PLEKHA8: variants seen among roughly 807,000 people sequenced by gnomAD.
The protein encoded by PLEKHA8 is pleckstrin homology domain containing A8.
Under a neutral mutation model 68.2 loss-of-function variants are expected in PLEKHA8, and 36 were observed. The observed-to-expected ratio is 0.53, with a 90% CI of 0.40 to 0.70. The LOEUF (loss-of-function observed/expected upper bound fraction) is 0.70. PLEKHA8 is among the 30% of genes least tolerant of loss of function. PLEKHA8 has a pLI of 0.00. For synonymous variants in PLEKHA8, 211 were observed against 216.1 expected (o/e 0.98, Z 0.20); for missense variants, 505 against 615.4 (o/e 0.82, Z 1.90).
At position 30,080,377 on chromosome 7, in the gene PLEKHA8, C is replaced by G. The variant is rs1345606535; in HGVS notation, c.*1590C>G. 1.0e-6 allele frequency: 1 copy of G among 985,160 alleles called. No individual in the cohort carries two copies. The highest frequency in any genetic ancestry group is 1.2e-6 in the Non-Finnish European group (1 of 829,878). The allele number at this position is 985,160 out of a possible 1,614,324, so 61.0% of individuals were successfully genotyped here. On this transcript the variant is annotated 3_prime_UTR_variant, in exon 14 of 14. Transcript: ENST00000449726. ...CCTTCTAGTAACAGGAAGGGAAGTT[C>G]CAGCATGAGGTAGTTATCCAGGGTA...
intron 13 of PLEKHA8, among the ~76,000 whole-genome samples, chr7:30,105,309 A>AT (rs1165298752): frequency 7.7e-6 from 1 of 129,520 alleles, no homozygotes; most frequent in Non-Finnish European, 1.7e-5. Context: ...TATCTCTATA[A>AT]TTAAAAAAAA....
rs577752976 is a variant in PLEKHA8, at chr7:30,058,073, T to A, written c.1039+2731T>A. Among the ~76,000 whole-genome samples, 35 of 152,310 alleles carry A rather than the reference T, an allele frequency of 2.3e-4. No individual in the cohort carries two copies. The South Asian group carries it at 3.9e-3, about 17-fold the overall frequency. On this transcript the variant is annotated intron_variant, in intron 9 of 13. Coordinates refer to ENST00000449726, the MANE Select transcript of PLEKHA8 (RefSeq NM_001197026.2). The stretch of plus-strand genomic sequence containing the variant: ...CTAATGATATTGAGCACTTTTTTTT[T>A]ATAATTATTGGCCATCCCTATCTCT...
chr7:30,097,152 G>T (rs1795651727), intron 13 of PLEKHA8, among the ~76,000 whole-genome samples: 1 of 152,142 alleles, frequency 6.6e-6, no homozygotes, highest in African/African-American at 2.4e-5. Flanking sequence ...TTGAATATCG[G>T]CCCCCACTCT....
chr7:30,036,428 A>T (rs192548215), intron 1 of PLEKHA8, among the ~76,000 whole-genome samples: 1 of 147,916 alleles, frequency 6.8e-6, no homozygotes, highest in African/African-American at 2.5e-5. Context: ...AGATAGATAG[A>T]TAGATAGATA....
chr7:30,097,293 T>C (rs373498487), intron 13 of PLEKHA8, among the ~76,000 whole-genome samples: 4 of 152,176 alleles, frequency 2.6e-5, no homozygotes, highest in African/African-American at 9.6e-5. Context: ...GTGAATCTGA[T>C]AATTATGTGT....
chr7:30,035,939 C>CCT (rs1438744270), intron 1 of PLEKHA8, among the ~76,000 whole-genome samples: 1 of 152,052 alleles, frequency 6.6e-6, no homozygotes, highest in East Asian at 2.0e-4. Context: ...AGCCACCTCG[C>CCT]CCGGCCATAT....
chr7:30,091,804 C>T (rs1795424976), downstream of PLEKHA8, among the ~76,000 whole-genome samples: 2 of 152,210 alleles, frequency 1.3e-5, no homozygotes, highest in African/African-American at 4.8e-5. Context: ...CTTTGTGCTT[C>T]TGTGAGTTTG....
intron 13 of PLEKHA8, among the ~76,000 whole-genome samples, chr7:30,109,481 G>A (rs1048961937): frequency 2.7e-5 from 4 of 150,918 alleles, no homozygotes; most frequent in Non-Finnish European, 4.4e-5. Context: ...CCAGCTACTC[G>A]GGAGGCTTAG....
In PLEKHA8 at chr7:30,061,855, T is replaced by G. The variant is rs1201125238; in HGVS notation, c.1099-42T>G. On this transcript the variant is annotated intron_variant, in intron 10 of 13. Coordinates refer to ENST00000449726, the MANE Select transcript of PLEKHA8 (RefSeq NM_001197026.2). ...GACTATACTGAGTTGCTTGATAACT[T>G]CAGCATTTTAAACTTAGGTTGTTTC... 2.5e-6 allele frequency: 4 copies of G among 1,611,190 alleles called. No homozygotes were observed. The East Asian group carries it at 8.9e-5, about 36-fold the overall frequency.
chr7:30,095,386 T>A (rs1795572951), downstream of PLEKHA8, among the ~76,000 whole-genome samples: 3 of 152,272 alleles, frequency 2.0e-5, no homozygotes, highest in Admixed American at 2.0e-4. Flanking sequence ...GTTTTTTTCT[T>A]GTAAATTTGT....
chr7:30,114,754 G>A (rs1796375015), intron 13 of PLEKHA8, among the ~76,000 whole-genome samples: 1 of 152,114 alleles, frequency 6.6e-6, no homozygotes, highest in South Asian at 2.1e-4. Context: ...TGTCCCTCAA[G>A]AGCAGTTTTG....
chr7:30,075,969 A>G (rs1794587712), intron 13 of PLEKHA8, among the ~76,000 whole-genome samples: 1 of 152,052 alleles, frequency 6.6e-6, no homozygotes, highest in Admixed American at 6.6e-5. Context: ...AAAACTGTCC[A>G]TATTTTCCTT....
chr7:30,097,865 G>A (rs1331575231), intron 13 of PLEKHA8, among the ~76,000 whole-genome samples: 7 of 152,218 alleles, frequency 4.6e-5, no homozygotes, highest in Admixed American at 3.9e-4. Flanking sequence ...TCCGTTGCTG[G>A]TGAGGAGCTG....
chr7:30,114,042 G>A (rs932130812), intron 13 of PLEKHA8, among the ~76,000 whole-genome samples: 11 of 152,006 alleles, frequency 7.2e-5, no homozygotes, highest in Non-Finnish European at 1.3e-4. Flanking sequence ...GAGATTACAG[G>A]TGCACACCAC....
intron 13 of PLEKHA8, among the ~76,000 whole-genome samples, chr7:30,113,207 G>A (rs1796327436): frequency 6.6e-6 from 1 of 152,054 alleles, no homozygotes; most frequent in South Asian, 2.1e-4. Context: ...CTTTCTTCTG[G>A]TTTTGATTTG....
intron 13 of PLEKHA8, among the ~76,000 whole-genome samples, chr7:30,106,046 C>CT (rs1299695753): frequency 2.7e-5 from 4 of 150,012 alleles, no homozygotes; most frequent in Non-Finnish European, 5.9e-5. Context: ...ACCTTTAAGT[C>CT]TTTAACATCT....
At position 30,072,437 on chromosome 7, in the gene PLEKHA8, A is replaced by C. The variant is rs181991999; in HGVS notation, c.1301-1634A>C. ...AAAAGTATTAATAAAGCCTCACTCC[A>C]ATTTTAAAATAAAGTTGACTAGAAT... On this transcript the variant is annotated intron_variant, in intron 12 of 13. Transcript: ENST00000449726. 4.1e-4 allele frequency among the ~76,000 whole-genome samples: 62 copies of C among 152,374 alleles called. 1 individual carries two copies. The highest frequency in any genetic ancestry group is 1.3e-3 in the African/African-American group (56 of 41,584).
chr7:30,056,836 A>G (rs1392123665), intron 9 of PLEKHA8, among the ~76,000 whole-genome samples: 5 of 145,774 alleles, frequency 3.4e-5, no homozygotes, highest in Non-Finnish European at 7.5e-5. Flanking sequence ...TATGTTATAT[A>G]TATATTTAAT....
At chr7:30,101,554 A>G (rs936451190) in intron 13 of PLEKHA8, among the ~76,000 whole-genome samples, 3 of 152,158 alleles carry the variant, frequency 2.0e-5, no homozygotes, top group Non-Finnish European at 4.4e-5. Flanking sequence ...AGTCCCATTC[A>G]TGAGAGTCCT....
Sources: gnomAD v4.1 joint callset for allele counts (sites outside exome capture counted in the v4.1 genomes callset) on GRCh38, gnomAD v4.1.1 for gene constraint, MANE v1.5 for transcripts, NCBI Gene and HGNC (gene_info 2026-07-23, HGNC 2026-07-21) for gene names.